Variants in LMBR1 observed in about 807,000 individuals in gnomAD.
The protein encoded by LMBR1 is limb region 1 protein homolog.
In LMBR1, 52 loss-of-function variants were observed where a neutral mutation model predicts 73.9. The observed-to-expected ratio is 0.70, with a 90% CI of 0.56 to 0.89. The LOEUF is 0.89. Ranked by LOEUF, LMBR1 falls within the 40% of genes least tolerant of loss-of-function variation. LMBR1 has a pLI of 0.00. For synonymous variants in LMBR1, 215 were observed against 209.4 expected (o/e 1.03, Z -0.23); for missense variants, 539 against 579.8 (o/e 0.93, Z 0.72).
At chr7:156,829,863 C>G (rs73741544) in intron 3 of LMBR1, among the ~76,000 whole-genome samples, 1 of 152,298 alleles carries the variant, frequency 6.6e-6, no homozygotes, top group East Asian at 1.9e-4. Context: ...CTTGCTTCAC[C>G]GGTTAGTCAT....
intron 14 of LMBR1, among the ~76,000 whole-genome samples, 180 bp from the exon 15 acceptor site, chr7:156,724,358 T>C (rs1050659247): frequency 6.6e-6 from 1 of 152,186 alleles, no homozygotes; most frequent in African/African-American, 2.4e-5. Flanking sequence ...TAAATAAAGT[T>C]ATATCTGTAA....
chr7:156,684,921 C>T (rs1008628696), intron 16 of LMBR1, among the ~76,000 whole-genome samples: 3 of 152,168 alleles, frequency 2.0e-5, no homozygotes, highest in Non-Finnish European at 4.4e-5. Context: ...CACACCACTG[C>T]ACTCCAGCCT....
intron 5 of LMBR1, among the ~76,000 whole-genome samples, chr7:156,794,836 T>C (rs1264072358): frequency 6.6e-6 from 1 of 152,162 alleles, no homozygotes; most frequent in African/African-American, 2.4e-5. Flanking sequence ...CAGATCAGTG[T>C]TCTGCACTGT....
intron 15 of LMBR1, among the ~76,000 whole-genome samples, chr7:156,701,031 G>A (rs1186670344): frequency 6.6e-6 from 1 of 152,120 alleles, no homozygotes; most frequent in Non-Finnish European, 1.5e-5. Context: ...CAGATCTCAT[G>A]AGATTTACTA....
At chr7:156,700,767 A>C (rs1809499978) in intron 15 of LMBR1, among the ~76,000 whole-genome samples, 1 of 152,120 alleles carries the variant, frequency 6.6e-6, no homozygotes, top group Non-Finnish European at 1.5e-5. Context: ...CCAGTTCCAA[A>C]GTCGCTTCCA....
intron 1 of LMBR1, 79 bp downstream of exon 1, chr7:156,892,846 CGGG>C: frequency 2.9e-6 from 2 of 685,690 alleles, no homozygotes; most frequent in Non-Finnish European, 3.8e-6. Flanking sequence ...GTGAGGGGTC[CGGG>C]GACCGGGGGC....
chr7:156,712,996 C>T (rs1812400471), intron 15 of LMBR1, among the ~76,000 whole-genome samples: 1 of 152,126 alleles, frequency 6.6e-6, no homozygotes, highest in Non-Finnish European at 1.5e-5. Flanking sequence ...CACTTGTACC[C>T]CTGTAAATTT....
chr7:156,833,614 T>G, intron 3 of LMBR1, 139 bp downstream of exon 3: 1 of 638,962 alleles, frequency 1.6e-6, no homozygotes. Context: ...TACATGTGCT[T>G]TCTAAAATTA....
intron 1 of LMBR1, among the ~76,000 whole-genome samples, chr7:156,875,845 C>T (rs1279410546): frequency 1.3e-5 from 2 of 150,572 alleles, no homozygotes; most frequent in Non-Finnish European, 3.0e-5. Flanking sequence ...CCTGGAAACA[C>T]ATTAAAACAG....
intron 15 of LMBR1, among the ~76,000 whole-genome samples, chr7:156,708,297 C>A (rs1051937813): frequency 6.6e-6 from 1 of 152,198 alleles, no homozygotes; most frequent in Non-Finnish European, 1.5e-5. Flanking sequence ...TTCCATGAGA[C>A]ACAGGCAAAA....
intron 1 of LMBR1, among the ~76,000 whole-genome samples, chr7:156,869,850 T>C (rs183922730): frequency 1.1e-4 from 17 of 152,308 alleles, no homozygotes; most frequent in African/African-American, 4.8e-5. Flanking sequence ...GAGATAGCTA[T>C]ACTTACATTG....
chr7:156,790,020 T>C (rs1828919902), intron 5 of LMBR1, among the ~76,000 whole-genome samples: 1 of 152,090 alleles, frequency 6.6e-6, no homozygotes, highest in African/African-American at 2.4e-5. Context: ...TCAAACATTA[T>C]GAGACATTAG....
chr7:156,746,432 G>T (rs1047869236), intron 9 of LMBR1, among the ~76,000 whole-genome samples: 6 of 152,154 alleles, frequency 3.9e-5, no homozygotes, highest in African/African-American at 4.8e-5. Flanking sequence ...TACTTTGTGG[G>T]TATGTTTACA....
intron 15 of LMBR1, among the ~76,000 whole-genome samples, chr7:156,708,385 A>G (rs1372521612): frequency 6.6e-6 from 1 of 152,198 alleles, no homozygotes; most frequent in African/African-American, 2.4e-5. Flanking sequence ...GAAAATCCAG[A>G]TAATGGGAAA....
intron 15 of LMBR1, 86 bp downstream of exon 15, chr7:156,724,026 C>A: frequency 2.2e-6 from 2 of 928,268 alleles, no homozygotes; most frequent in East Asian, 2.6e-5. Flanking sequence ...CAAAGGTAAT[C>A]TTTATGAGTA....
chr7:156,814,672 T>C (rs1201056878), intron 4 of LMBR1, among the ~76,000 whole-genome samples: 1 of 152,244 alleles, frequency 6.6e-6, no homozygotes, highest in African/African-American at 2.4e-5. Flanking sequence ...GCACTTTACG[T>C]CTAACAGCCT....
At chr7:156,788,174 C>G (rs570025290) in intron 5 of LMBR1, among the ~76,000 whole-genome samples, 5 of 151,990 alleles carry the variant, frequency 3.3e-5, no homozygotes, top group South Asian at 4.2e-4. Context: ...GTAGCTCAAG[C>G]CTGGAATCCC....
intron 5 of LMBR1, among the ~76,000 whole-genome samples, chr7:156,787,395 G>C (rs1828313213): frequency 6.6e-6 from 1 of 152,118 alleles, no homozygotes; most frequent in Non-Finnish European, 1.5e-5. Context: ...CAGGCTGCTT[G>C]TTATATAGTT....
chr7:156,713,379 G>A (rs896961546), intron 15 of LMBR1, among the ~76,000 whole-genome samples: 4 of 151,592 alleles, frequency 2.6e-5, no homozygotes, highest in Admixed American at 6.6e-5. Flanking sequence ...GAACCCTAAC[G>A]TAAACTCTGG....
Sources: allele counts gnomAD v4.1 joint callset (sites outside exome capture counted in the v4.1 genomes callset), GRCh38; gene constraint gnomAD v4.1.1; transcripts MANE v1.5; gene names NCBI Gene and HGNC (gene_info 2026-07-23, HGNC 2026-07-21).